Variants in CDH4 observed in about 807,000 individuals in gnomAD.
The protein encoded by CDH4 is cadherin-4.
A neutral mutation model predicts 86.0 loss-of-function variants in CDH4; 33 were observed. That is an observed-to-expected ratio of 0.38 (90% CI 0.29 to 0.51). The LOEUF (loss-of-function observed/expected upper bound fraction) is 0.51. Among genes scored for constraint, CDH4 ranks in the 20% least tolerant of loss-of-function variants. The pLI is 0.86. For synonymous variants in CDH4, 555 were observed against 549.4 expected, an observed-to-expected ratio of 1.01 and a Z score of -0.14; for missense variants, 1,114 against 1,307.4, an observed-to-expected ratio of 0.85 and a Z score of 2.28.
At chr20:61,497,847 C>G (rs561727043) in intron 2 of CDH4, among the ~76,000 whole-genome samples, 5 of 152,130 alleles carry the variant, frequency 3.3e-5, no homozygotes, top group African/African-American at 1.2e-4. Context: ...GAAAATATGG[C>G]ACATATATAC....
chr20:61,364,610 CT>C (rs2084801499), intron 2 of CDH4, among the ~76,000 whole-genome samples: 1 of 152,238 alleles, frequency 6.6e-6, no homozygotes, highest in African/African-American at 2.4e-5. Flanking sequence ...GGCTCTCAGA[CT>C]TCTACAGACA....
chr20:61,343,375 G>C (rs960224221), intron 2 of CDH4, among the ~76,000 whole-genome samples: 3 of 152,230 alleles, frequency 2.0e-5, no homozygotes, highest in African/African-American at 7.2e-5. Context: ...GATTGGCTGG[G>C]AGCCAGGAAC....
intron 2 of CDH4, among the ~76,000 whole-genome samples, chr20:61,549,674 C>T (rs372540529): frequency 2.0e-5 from 3 of 152,304 alleles, no homozygotes; most frequent in Admixed American, 1.3e-4. Context: ...AACAGCGAAG[C>T]CTCCGGGATG....
rs975497426 is a variant in CDH4 at position 61,932,979 on chromosome 20, C to G, written c.2240-6C>G. 1.2e-6 allele frequency: 2 copies of G among 1,610,786 alleles called. No homozygotes were observed. Reference sequence around the variant, plus strand: ...CACCCTGCTCACGGGCAGCCCTCCCCCACAGCCATGGTCCTGCTGTTTGTC... The same window carrying G: ...CACCCTGCTCACGGGCAGCCCTCCCGCACAGCCATGGTCCTGCTGTTTGTC... On this transcript the variant is annotated splice_region_variant and splice_polypyrimidine_tract_variant and intron_variant, in intron 13 of 15. Coordinates refer to ENST00000614565, the MANE Select transcript of CDH4 (RefSeq NM_001794.5).
chr20:61,679,936 C>T (rs1176510086), intron 2 of CDH4, among the ~76,000 whole-genome samples: 4 of 152,296 alleles, frequency 2.6e-5, no homozygotes, highest in Non-Finnish European at 4.4e-5. Context: ...TGGGAACTGC[C>T]CAGGGCCTCG....
chr20:61,512,688 G>A (rs573233803), intron 2 of CDH4, among the ~76,000 whole-genome samples: 28 of 152,324 alleles, frequency 1.8e-4, no homozygotes, highest in African/African-American at 5.1e-4. Context: ...AGGACTCACC[G>A]TCTCATTTCT....
intron 2 of CDH4, among the ~76,000 whole-genome samples, chr20:61,550,580 C>T (rs2086122370): frequency 1.4e-5 from 2 of 145,112 alleles, no homozygotes; most frequent in African/African-American, 5.0e-5. Context: ...TTGTGTTCAT[C>T]CTTCTCACGG....
intron 2 of CDH4, among the ~76,000 whole-genome samples, chr20:61,285,276 G>A (rs2084287327): frequency 6.6e-6 from 1 of 152,206 alleles, no homozygotes. Flanking sequence ...CCACGAAGCA[G>A]CAGAGCTGGG....
intron 8 of CDH4, among the ~76,000 whole-genome samples, chr20:61,910,075 C>T (rs1568881892): frequency 6.6e-6 from 1 of 152,262 alleles, no homozygotes; most frequent in East Asian, 1.9e-4. Flanking sequence ...CCTGTCTTCT[C>T]TGATTCCTGA....
intron 5 of CDH4, among the ~76,000 whole-genome samples, chr20:61,845,611 T>G (rs1254804617): frequency 6.6e-6 from 1 of 152,234 alleles, no homozygotes; most frequent in Non-Finnish European, 1.5e-5. Context: ...GACCTGCCCC[T>G]GGCCAGATGT....
chr20:61,570,802 C>T lies in CDH4; in HGVS notation c.170-172761C>T, dbSNP rs1182826352. The T allele has an allele frequency of 3.3e-5, 23 of 701,932 alleles. No individual in the cohort carries two copies. The Admixed American group carries it at 4.6e-4, about 14-fold the overall frequency. 43.5% of individuals were successfully genotyped at this position (701,932 alleles called of 1,614,324 possible). A position where few individuals can be genotyped will look rare whatever the true frequency, so the allele number is the denominator to read the frequency against. The stretch of plus-strand genomic sequence containing the variant: ...CACTGTAATAAATGCTAATTACCTT[C>T]TCTGCCGCGCCAGGGGGTTGCTGCT... On this transcript the variant is annotated intron_variant, in intron 2 of 15. Transcript: ENST00000614565.
intron 11 of CDH4, among the ~76,000 whole-genome samples, chr20:61,926,396 T>C (rs1208826537): frequency 6.6e-6 from 1 of 152,180 alleles, no homozygotes; most frequent in Non-Finnish European, 1.5e-5. Context: ...AGACAGGACG[T>C]GGACACCCCC....
intron 2 of CDH4, among the ~76,000 whole-genome samples, chr20:61,316,688 A>C (rs2123232842): frequency 6.6e-6 from 1 of 152,354 alleles, no homozygotes; most frequent in Non-Finnish European, 1.5e-5. Context: ...TTGGTAGTGA[A>C]GAAATGCTGG....
Position 61,773,142 on chromosome 20 carries a change from C to A in CDH4, c.536C>A (p.Pro179His). Residue 179 changes from proline (P) to histidine (H), a missense_variant, in exon 4 of 16, where the codon CCC (proline) becomes CAC (histidine). Transcript: ENST00000614565. ...TGGGTCATCCCGCCCATCAACGTGC[C>A]CGAGAACTCGCGCGGGCCCTTCCCG... ...RDWVIPPINV[P>H]ENSRGPFPQQ... is the part of the protein sequence containing the mutation. The A allele has an allele frequency of 6.2e-7, 1 of 1,602,532 alleles. No individual in the cohort carries two copies.
In CDH4 at chr20:61,544,273, G is replaced by A. The variant is rs1386244620; in HGVS notation, c.170-199290G>A. 6.6e-6 allele frequency among the ~76,000 whole-genome samples: 1 copy of A among 152,104 alleles called. No individual in the cohort carries two copies. Among genetic ancestry groups the A allele is most frequent in the Non-Finnish European group, 1.5e-5 (1 of 68,026 alleles). On this transcript the variant is annotated intron_variant, in intron 2 of 15. Coordinates refer to ENST00000614565, the MANE Select transcript of CDH4 (RefSeq NM_001794.5). The surrounding 1 kb of genome is among the most constrained non-coding windows in gnomAD (Gnocchi z 6.5). ...TATGGCGGGGTACGGCTGACATCGAGCGGGTGGAGGCTGGGTACGGCTAAA... is the reference window on the plus strand; with the variant it reads ...TATGGCGGGGTACGGCTGACATCGAACGGGTGGAGGCTGGGTACGGCTAAA...
intron 2 of CDH4, among the ~76,000 whole-genome samples, chr20:61,395,487 A>G (rs1430246261): frequency 2.0e-5 from 3 of 152,190 alleles, no homozygotes; most frequent in African/African-American, 4.8e-5. Context: ...AGTATTATCA[A>G]TAATGTTACT....
Position 61,516,587 on chromosome 20 carries a change from A to C in CDH4, c.170-226976A>C, listed in dbSNP as rs1005566550. Among the ~76,000 whole-genome samples, 3 of 152,168 alleles carry C rather than the reference A, an allele frequency of 2.0e-5. No homozygotes were observed. Among genetic ancestry groups the C allele is most frequent in the Non-Finnish European group, 4.4e-5 (3 of 68,038 alleles). Reference sequence around the variant, plus strand: ...CCTGAGTCACAGCATCACAGAAAACAGTTTACAAGGTCATCTGGCAGAAAG... The same window carrying C: ...CCTGAGTCACAGCATCACAGAAAACCGTTTACAAGGTCATCTGGCAGAAAG... On this transcript the variant is annotated intron_variant, in intron 2 of 15. Transcript: ENST00000614565. The surrounding 1 kb of genome is among the most constrained non-coding windows in gnomAD (Gnocchi z 4.0).
At chr20:61,306,767 G>A (rs991144973) in intron 2 of CDH4, among the ~76,000 whole-genome samples, 1 of 152,134 alleles carries the variant, frequency 6.6e-6, no homozygotes, top group Non-Finnish European at 1.5e-5. Flanking sequence ...CTGGGGCACG[G>A]TCCACTCTCC....
chr20:61,720,903 T>G (rs1041263643), intron 2 of CDH4, among the ~76,000 whole-genome samples: 3 of 152,276 alleles, frequency 2.0e-5, no homozygotes, highest in Non-Finnish European at 4.4e-5. Flanking sequence ...CTTCCCTTGG[T>G]CCAGTGAGTC....
Sources: allele counts gnomAD v4.1 joint callset (sites outside exome capture counted in the v4.1 genomes callset), GRCh38; gene constraint gnomAD v4.1.1; non-coding constraint Gnocchi (gnomAD v3.1); transcripts MANE v1.5; gene names NCBI Gene and HGNC (gene_info 2026-07-23, HGNC 2026-07-21).